Variants in EPHB1 observed in about 807,000 individuals in gnomAD.
EPHB1 encodes EPH receptor B1, also known as ephrin type-B receptor 1.
EPHB1 carries 30 observed loss-of-function variants against 94.4 expected under a neutral mutation model. The ratio of observed to expected loss-of-function variants is 0.32; its 90% confidence interval spans 0.24 to 0.43. The LOEUF (loss-of-function observed/expected upper bound fraction) is 0.43. Ranked by LOEUF, EPHB1 falls within the 20% of genes least tolerant of loss-of-function variation. The probability of loss-of-function intolerance (pLI) is 1.00; values close to 1 mark genes in which losing one functional copy is unlikely to be tolerated. For synonymous variants in EPHB1, 522 were observed against 489.1 expected (o/e 1.07, Z -0.89); for missense variants, 1,055 against 1,308.3 (o/e 0.81, Z 2.99).
intron 2 of EPHB1, among the ~76,000 whole-genome samples, chr3:134,945,210 A>C (rs2039194214): frequency 6.6e-6 from 1 of 152,076 alleles, no homozygotes; most frequent in Admixed American, 6.5e-5. Context: ...CCTCCCTTTT[A>C]AATTTGCTCA....
intron 1 of EPHB1, among the ~76,000 whole-genome samples, chr3:134,893,801 T>G (rs556225558): frequency 6.6e-6 from 1 of 152,362 alleles, no homozygotes; most frequent in South Asian, 2.1e-4. Context: ...TACCTGCCTG[T>G]CTGTCCCTCC....
At chr3:135,052,909 A>ATATATATG (rs1217744067) in intron 3 of EPHB1, among the ~76,000 whole-genome samples, 6 of 68,852 alleles carry the variant, frequency 8.7e-5, no homozygotes, top group African/African-American at 3.9e-4. Flanking sequence ...ATATATATAT[A>ATATATATG]TGTGTGTGTG....
At chr3:134,902,563 A>G (rs2038224763) in intron 1 of EPHB1, among the ~76,000 whole-genome samples, 1 of 152,256 alleles carries the variant, frequency 6.6e-6, no homozygotes, top group South Asian at 2.1e-4. Context: ...ATTTTAACAG[A>G]TCTTGCTATG....
chr3:135,151,129 T>A (rs997524882), intron 5 of EPHB1, among the ~76,000 whole-genome samples: 4 of 152,364 alleles, frequency 2.6e-5, no homozygotes, highest in Admixed American at 2.0e-4. Flanking sequence ...GTGCTGTGAT[T>A]GGCTTCCTGC....
At chr3:134,920,209 A>G (rs189295573) in intron 1 of EPHB1, among the ~76,000 whole-genome samples, 17 of 152,212 alleles carry the variant, frequency 1.1e-4, no homozygotes, top group Admixed American at 9.8e-4. Flanking sequence ...GTTACTAAAA[A>G]TTCTTTGTTG....
At chr3:135,149,767 C>A (rs1044252321) in intron 5 of EPHB1, among the ~76,000 whole-genome samples, 2 of 152,196 alleles carry the variant, frequency 1.3e-5, no homozygotes, top group African/African-American at 4.8e-5. Flanking sequence ...ACACAGTCTT[C>A]CACAGGGCCT....
intron 1 of EPHB1, among the ~76,000 whole-genome samples, chr3:134,886,372 C>T (rs2037862293): frequency 6.6e-6 from 1 of 152,064 alleles, no homozygotes; most frequent in Non-Finnish European, 1.5e-5. Flanking sequence ...TACAACAAAC[C>T]CAGAAGTATG....
intron 3 of EPHB1, among the ~76,000 whole-genome samples, chr3:135,006,714 A>G (rs1343428727): frequency 6.6e-6 from 1 of 152,252 alleles, no homozygotes; most frequent in African/African-American, 2.4e-5. Flanking sequence ...TCCTTGTACA[A>G]TAGAGTGCTC....
Position 135,089,908 on chromosome 3 carries a change from T to G in EPHB1, c.806-16540T>G, listed in dbSNP as rs745856040. On this transcript the variant is annotated intron_variant, in intron 3 of 15. Transcript: ENST00000398015. ...CCTTCAGTTCAATGGCTTCCCTAAGTGTGCATTGAGATCTAAGTGCTAAGT... is the reference window on the plus strand; with the variant it reads ...CCTTCAGTTCAATGGCTTCCCTAAGGGTGCATTGAGATCTAAGTGCTAAGT... Among the ~76,000 whole-genome samples, 50 of 152,234 alleles carry G rather than the reference T, an allele frequency of 3.3e-4. 1 individual carries two copies. The highest frequency in any genetic ancestry group is 4.0e-4 in the Non-Finnish European group (27 of 68,040).
At chr3:134,802,332 C>T (rs1353432617) in intron 1 of EPHB1, among the ~76,000 whole-genome samples, 6 of 145,404 alleles carry the variant, frequency 4.1e-5, no homozygotes, top group Admixed American at 7.0e-5. Context: ...AGTGACAGAG[C>T]GAGACTCTGT....
chr3:134,890,245 A>G lies in EPHB1; in HGVS notation c.59-35571A>G, dbSNP rs561972207. Among the ~76,000 whole-genome samples the G allele has an allele frequency of 7.2e-5, 11 of 152,292 alleles. No homozygotes were observed. In the East Asian group the frequency reaches 2.1e-3, roughly 29 times the overall value. ...CAAAACAGCAATCCAGATGTTTATA[A>G]ATTTTATATAAATGGTATTATGTGA... On this transcript the variant is annotated intron_variant, in intron 1 of 15. Transcript: ENST00000398015.
chr3:135,056,360 C>G (rs574425946), intron 3 of EPHB1, among the ~76,000 whole-genome samples: 2 of 152,368 alleles, frequency 1.3e-5, no homozygotes, highest in South Asian at 4.1e-4. Context: ...TTGACACACC[C>G]TTCCCCTGTT....
intron 11 of EPHB1, among the ~76,000 whole-genome samples, chr3:135,201,002 G>A (rs1384943709): frequency 6.6e-6 from 1 of 152,174 alleles, no homozygotes; most frequent in Non-Finnish European, 1.5e-5. Flanking sequence ...GTGGCCTAAG[G>A]TAAGGCAGTA....
intron 1 of EPHB1, among the ~76,000 whole-genome samples, chr3:134,913,613 C>A (rs565842554): frequency 2.0e-4 from 31 of 152,314 alleles, no homozygotes; most frequent in African/African-American, 7.2e-4. Context: ...ATGGCCGGGG[C>A]CCCTAACCCC....
At chr3:135,165,322 A>T (rs528158927) in intron 7 of EPHB1, among the ~76,000 whole-genome samples, 24 of 152,230 alleles carry the variant, frequency 1.6e-4, no homozygotes, top group African/African-American at 4.3e-4. Flanking sequence ...TGCACATGGT[A>T]ACGCCAGGGT....
chr3:134,829,397 G>C (rs1160163219), intron 1 of EPHB1, among the ~76,000 whole-genome samples: 1 of 152,148 alleles, frequency 6.6e-6, no homozygotes, highest in Non-Finnish European at 1.5e-5. Flanking sequence ...GACCTATCAG[G>C]AGAAGGCAAC....
At chr3:134,896,741 T>C (rs1220251502) in intron 1 of EPHB1, among the ~76,000 whole-genome samples, 1 of 152,260 alleles carries the variant, frequency 6.6e-6, no homozygotes, top group East Asian at 1.9e-4. Flanking sequence ...GAAGCCCTGC[T>C]TGGGCAGATT....
chr3:134,914,710 C>A (rs1470888031), intron 1 of EPHB1, among the ~76,000 whole-genome samples: 1 of 152,116 alleles, frequency 6.6e-6, no homozygotes, highest in East Asian at 1.9e-4. Context: ...GTTCTGTTTA[C>A]AAAGGTTCAC....
chr3:135,252,247 G>A (rs536517143), intron 15 of EPHB1, among the ~76,000 whole-genome samples: 47 of 148,298 alleles, frequency 3.2e-4, no homozygotes, highest in African/African-American at 7.2e-4. Context: ...TAAGTTTTAC[G>A]GTACATGTGC....
Sources: gnomAD v4.1 joint callset for allele counts (sites outside exome capture counted in the v4.1 genomes callset) on GRCh38, gnomAD v4.1.1 for gene constraint, MANE v1.5 for transcripts, NCBI Gene and HGNC (gene_info 2026-07-23, HGNC 2026-07-21) for gene names.